The following FKBP8 variants were observed in gnomAD, a reference collection of about 807,000 sequenced individuals.
FKBP8 encodes the protein peptidyl-prolyl cis-trans isomerase FKBP8.
In FKBP8, 5 loss-of-function variants were observed where a neutral mutation model predicts 41.7. That is an observed-to-expected ratio of 0.12 (90% CI 0.06 to 0.25). The LOEUF (loss-of-function observed/expected upper bound fraction) is 0.25, where lower values mean the gene tolerates loss of function less well. Ranked by LOEUF, FKBP8 falls within the 10% of genes least tolerant of loss-of-function variation. The probability of loss-of-function intolerance (pLI) is 1.00; values close to 1 mark genes in which losing one functional copy is unlikely to be tolerated. For missense variants in FKBP8, 397 were observed against 563.0 expected (o/e 0.71, Z 2.98); for synonymous variants, 279 against 254.5 (o/e 1.10, Z -0.92).
chr19:18,531,954 G>T lies in FKBP8; in HGVS notation c.*215C>A. On this transcript the variant is annotated 3_prime_UTR_variant, in exon 9 of 9. Transcript: ENST00000608443. Reference sequence around the variant, plus strand: ...GGGGTAAGGAGGGTGGGGGAAAACTGGGTCTGAAGGAATGAGGGCCCCCTC... The same window carrying T: ...GGGGTAAGGAGGGTGGGGGAAAACTTGGTCTGAAGGAATGAGGGCCCCCTC... 1 of 574,134 alleles carries T rather than the reference G, an allele frequency of 1.7e-6. No individual in the cohort carries two copies. 35.6% of individuals were successfully genotyped at this position (574,134 alleles called of 1,614,324 possible).
Position 18,537,746 on chromosome 19 carries a change from T to C in FKBP8, c.800A>G (p.Gln267Arg), listed in dbSNP as rs371165569. Residue 267 changes from glutamine to arginine, a missense_variant, in exon 6 of 9, where the codon CAG (glutamine) becomes CGG (arginine). This residue lies in a region of FKBP8 where 225 missense variants were observed against 366.8 expected (regional missense o/e 0.61). Transcript: ENST00000608443. This position sits in a 1 kb window ranked among gnomAD's most constrained non-coding sequence, Gnocchi z 4.4. ...ACACTTCACCTTCAACTGCAGGAGC[T>C]GTGCCTCCTCCTCGAACGTCATGTC... ...KVDMTFEEEA[Q>R]LLQLKVKCLN... 5 of 1,613,360 alleles carry C rather than the reference T, an allele frequency of 3.1e-6. No homozygotes were observed. Among genetic ancestry groups the C allele is most frequent in the African/African-American group, 2.7e-5 (2 of 74,934 alleles).
chr19:18,532,538 T>G (rs1600526828), intron 8 of FKBP8, 126 bp downstream of exon 8: 1 of 1,384,444 alleles, frequency 7.2e-7, no homozygotes, highest in Non-Finnish European at 9.8e-7. Flanking sequence ...AGGGCTGGGC[T>G]CTCTCCACGT....
Position 18,540,804 on chromosome 19 carries a change from G to A in FKBP8, c.292+875C>T, listed in dbSNP as rs1422934282. On this transcript the variant is annotated intron_variant, in intron 2 of 8. Coordinates refer to ENST00000608443, the MANE Select transcript of FKBP8 (RefSeq NM_012181.5). ...GAAGAATCGCTTGAACCTGGGAGGC[G>A]GAGGTTGCAGTGAACTGAGATCGCA... 8.6e-5 allele frequency among the ~76,000 whole-genome samples: 13 copies of A among 151,972 alleles called. No homozygotes were observed. The East Asian group carries it at 2.5e-3, about 29-fold the overall frequency.
chr19:18,542,187 T>C (rs1375773841), intron 1 of FKBP8, 192 bp from the exon 2 acceptor site: 1 of 704,614 alleles, frequency 1.4e-6, no homozygotes, highest in African/African-American at 1.8e-5. Context: ...CATCAAGCCC[T>C]TGGCATCAGG....
intron 8 of FKBP8, 104 bp from the exon 9 acceptor site, chr19:18,532,359 G>T: frequency 8.7e-7 from 1 of 1,148,750 alleles, no homozygotes; most frequent in Non-Finnish European, 1.3e-6. Flanking sequence ...ACAAATCATT[G>T]CCTGACTATG....
Position 18,533,355 on chromosome 19 carries a change from G to T in FKBP8, c.946-8C>A. On this transcript the variant is annotated splice_polypyrimidine_tract_variant and splice_region_variant and intron_variant, in intron 6 of 8. Transcript: ENST00000608443. Reference sequence around the variant, plus strand: ...CCCCTGCTGGGCCAGCACCTGTAAGGGGAAGGGGGTGGCATCACTCTGGAC... The same window carrying T: ...CCCCTGCTGGGCCAGCACCTGTAAGTGGAAGGGGGTGGCATCACTCTGGAC... The T allele has an allele frequency of 6.3e-7, 1 of 1,598,174 alleles. No individual in the cohort carries two copies. Among genetic ancestry groups the T allele is most frequent in the South Asian group, 1.1e-5 (1 of 88,308 alleles).
chr19:18,536,935 T>C (rs909184858), intron 6 of FKBP8, among the ~76,000 whole-genome samples: 1 of 152,134 alleles, frequency 6.6e-6, no homozygotes, highest in Non-Finnish European at 1.5e-5. Context: ...GGAGAAGTGA[T>C]AGCAGGAGGG....
At chr19:18,540,702 T>C (rs763572996) in intron 2 of FKBP8, among the ~76,000 whole-genome samples, 22 of 152,196 alleles carry the variant, frequency 1.4e-4, no homozygotes, top group Non-Finnish European at 2.2e-4. Context: ...TGAAACCCTG[T>C]CTCTACTAAA....
At position 18,539,574 on chromosome 19, in the gene FKBP8, G is replaced by C; in HGVS notation, c.439C>G (p.Leu147Val). ...ACCTGGATGACGTCACAGTCACCCAGAGTGAACACCAGCTCCGGCTCCTCC... is the reference window on the plus strand; with the variant it reads ...ACCTGGATGACGTCACAGTCACCCACAGTGAACACCAGCTCCGGCTCCTCC... ...VQEEPELVFT[L>V]GDCDVIQALD... The change falls in exon 3 of 9, where the codon CTG becomes GTG. Residue 147 changes from leucine to valine, a missense_variant. Coordinates refer to ENST00000608443, the MANE Select transcript of FKBP8 (RefSeq NM_012181.5). 6.2e-7 allele frequency: 1 copy of C among 1,613,178 alleles called. No homozygotes were observed. Among genetic ancestry groups the C allele is most frequent in the Non-Finnish European group, 8.5e-7 (1 of 1,180,018 alleles).
intron 8 of FKBP8, 198 bp from the exon 9 acceptor site, chr19:18,532,453 C>A: frequency 1.1e-6 from 1 of 925,662 alleles, no homozygotes. Context: ...GCCCCTCGTG[C>A]CCTGGAAGAG....
At position 18,538,532 on chromosome 19, in the gene FKBP8, C is replaced by G. The variant is rs572895795; in HGVS notation, c.552-96G>C. On this transcript the variant is annotated intron_variant, in intron 4 of 8. Transcript: ENST00000608443. The surrounding 1 kb of genome is among the most constrained non-coding windows in gnomAD (Gnocchi z 4.0). ...AAGGAGTGAGCTTGGCTCAAGCCCC[C>G]GATCTGTCTCCCCTCTGCCCTCCAT... 3 of 988,834 alleles carry G rather than the reference C, an allele frequency of 3.0e-6. No homozygotes were observed. Among genetic ancestry groups the G allele is most frequent in the East Asian group, 5.2e-5 (2 of 38,108 alleles). 61.3% of individuals were successfully genotyped at this position (988,834 alleles called of 1,614,324 possible).
At chr19:18,535,349 C>T (rs1486686039) in intron 6 of FKBP8, among the ~76,000 whole-genome samples, 1 of 152,128 alleles carries the variant, frequency 6.6e-6, no homozygotes. Flanking sequence ...GCGTGAGGCA[C>T]CACACCTGGC....
At chr19:18,542,931 TCCCAGCC>T in intron 1 of FKBP8, 1 of 1,201,810 alleles carries the variant, frequency 8.3e-7, no homozygotes, top group Non-Finnish European at 1.1e-6. Flanking sequence ...TGAGAGACCC[TCCCAGCC>T]CCCACCCCCA....
rs999169166 is a variant in FKBP8 at position 18,540,357 on chromosome 19, T to C, written c.293-637A>G. Among the ~76,000 whole-genome samples the C allele has an allele frequency of 3.9e-5, 6 of 152,140 alleles. No homozygotes were observed. In the South Asian group the frequency reaches 1.0e-3, roughly 26 times the overall value. ...GGCTCATGCCTGTAATCCCAGAACTTTGGGAGGCTGAAATGAGAGGACTGT... is the reference window on the plus strand; with the variant it reads ...GGCTCATGCCTGTAATCCCAGAACTCTGGGAGGCTGAAATGAGAGGACTGT... On this transcript the variant is annotated intron_variant, in intron 2 of 8. Coordinates refer to ENST00000608443, the MANE Select transcript of FKBP8 (RefSeq NM_012181.5).
chr19:18,533,403 A>G (rs918257632), intron 6 of FKBP8, 56 bp from the exon 7 acceptor site: 11 of 1,452,970 alleles, frequency 7.6e-6, no homozygotes, highest in Non-Finnish European at 1.0e-5. Context: ...CTGTCCTTCA[A>G]GAAATCCAGC....
chr19:18,532,195 A>AGAGT lies in FKBP8; in HGVS notation c.1212_1215dup (p.Ser406ThrfsTer13). 1 of 1,608,992 alleles carries AGAGT rather than the reference A, an allele frequency of 6.2e-7. No homozygotes were observed. Among genetic ancestry groups the AGAGT allele is most frequent in the Non-Finnish European group, 8.5e-7 (1 of 1,178,180 alleles). On this transcript the variant is annotated frameshift_variant, in exon 9 of 9. Transcript: ENST00000608443. LOFTEE classifies it high-confidence loss of function. ...CAGTTCCTGGCAGCGATGACCACAG[A>AGAGT]GAGTGCCACACCCCCCAAGGCAACA...
chr19:18,540,709 T>C (rs751140939), intron 2 of FKBP8, among the ~76,000 whole-genome samples: 2 of 152,016 alleles, frequency 1.3e-5, no homozygotes, highest in Non-Finnish European at 2.9e-5. Context: ...CTGTCTCTAC[T>C]AAAAATACAA....
At chr19:18,542,881 C>A (rs1307298018) in intron 1 of FKBP8, 1 of 1,283,352 alleles carries the variant, frequency 7.8e-7, no homozygotes, top group African/African-American at 1.5e-5. Flanking sequence ...CCCTCCCTAA[C>A]CCTCACCTGC....
chr19:18,541,134 G>C (rs1055036812), intron 2 of FKBP8, among the ~76,000 whole-genome samples: 9 of 151,910 alleles, frequency 5.9e-5, no homozygotes, highest in African/African-American at 2.2e-4. Flanking sequence ...GGGGTATGTT[G>C]GGGGGAACAT....
Sources: allele counts gnomAD v4.1 joint callset (sites outside exome capture counted in the v4.1 genomes callset), GRCh38; gene constraint gnomAD v4.1.1; regional missense constraint gnomAD v4.1.1; non-coding constraint Gnocchi (gnomAD v3.1); transcripts MANE v1.5; gene names NCBI Gene and HGNC (gene_info 2026-07-23, HGNC 2026-07-21).